Variants in PCSK5 observed in about 807,000 individuals in gnomAD.
PCSK5 encodes the protein proprotein convertase subtilisin/kexin type 5.
PCSK5 carries 129 observed loss-of-function variants against 233.2 expected under a neutral mutation model. The observed-to-expected ratio is 0.55, with a 90% CI of 0.48 to 0.64. PCSK5 has a LOEUF of 0.64. Among genes scored for constraint, PCSK5 ranks in the 30% least tolerant of loss-of-function variants. PCSK5 has a pLI of 0.00. For missense variants in PCSK5, 2,076 were observed against 2,430.1 expected (o/e 0.85, Z 3.06); for synonymous variants, 825 against 879.2 (o/e 0.94, Z 1.09).
intron 2 of PCSK5, among the ~76,000 whole-genome samples, chr9:75,934,874 C>A (rs1017843513): frequency 6.6e-6 from 1 of 151,768 alleles, no homozygotes; most frequent in Non-Finnish European, 1.5e-5. Flanking sequence ...TGTGAGCCAC[C>A]ATGGCTGGCC....
In PCSK5 at chr9:76,239,007, G is replaced by T. The variant is rs1332682006; in HGVS notation, c.2915G>T (p.Ser972Ile). The change falls in exon 23 of 38, where the codon AGC (serine) becomes ATC (isoleucine). Residue 972 changes from serine to isoleucine, a missense_variant. Transcript: ENST00000674117. ...CTGTACCAGGGAGAGTGTGGAGATAGCTGCCCAGAGGGCCACTATGCCACT... is the reference window on the plus strand; with the variant it reads ...CTGTACCAGGGAGAGTGTGGAGATATCTGCCCAGAGGGCCACTATGCCACT... ...HFLYQGECGD[S>I]CPEGHYATEG... 2 of 1,612,308 alleles carry T rather than the reference G, an allele frequency of 1.2e-6. No individual in the cohort carries two copies. The highest frequency in any genetic ancestry group is 1.7e-6 in the Non-Finnish European group (2 of 1,179,740).
At chr9:76,165,984 T>G (rs1238185832) in intron 12 of PCSK5, among the ~76,000 whole-genome samples, 1 of 152,376 alleles carries the variant, frequency 6.6e-6, no homozygotes, top group South Asian at 2.1e-4. Context: ...TATTACCTTT[T>G]GTTTTATGCA....
chr9:76,097,468 T>C (rs567085525), intron 8 of PCSK5, among the ~76,000 whole-genome samples: 91 of 152,254 alleles, frequency 6.0e-4, no homozygotes, highest in Non-Finnish European at 1.1e-3. Context: ...GCATTTCTTA[T>C]AGACAGCACA....
chr9:76,347,076 AT>A (rs34762060), intron 35 of PCSK5, among the ~76,000 whole-genome samples: 7 of 148,708 alleles, frequency 4.7e-5, no homozygotes, highest in Non-Finnish European at 8.9e-5. Context: ...TATTTTTTCT[AT>A]TTTTTTTTTC....
chr9:75,913,555 T>C (rs1822848666), intron 1 of PCSK5, among the ~76,000 whole-genome samples: 1 of 152,196 alleles, frequency 6.6e-6, no homozygotes, highest in Non-Finnish European at 1.5e-5. Context: ...ATCATTTGGC[T>C]CCAGGCTGCA....
At chr9:76,132,918 A>T (rs1396753953) in intron 9 of PCSK5, among the ~76,000 whole-genome samples, 1 of 152,064 alleles carries the variant, frequency 6.6e-6, no homozygotes, top group African/African-American at 2.4e-5. Context: ...GATTGGGAAA[A>T]AAATGTAGTA....
At chr9:76,183,637 A>C (rs1823971319) in intron 16 of PCSK5, among the ~76,000 whole-genome samples, 1 of 152,238 alleles carries the variant, frequency 6.6e-6, no homozygotes, top group Non-Finnish European at 1.5e-5. Context: ...TCAATGAGAC[A>C]GTGAGAGAGA....
chr9:76,243,026 C>G (rs902690787), intron 24 of PCSK5, among the ~76,000 whole-genome samples: 8 of 152,304 alleles, frequency 5.3e-5, no homozygotes, highest in African/African-American at 1.9e-4. Context: ...ACCATGGTCA[C>G]TAGGTGTTCG....
rs1195308342 is a variant in PCSK5, at chr9:76,360,159, G to A, written c.*1237G>A. The A allele has an allele frequency of 6.6e-6, 1 of 152,150 alleles. No individual in the cohort carries two copies. Among genetic ancestry groups the A allele is most frequent in the Non-Finnish European group, 1.5e-5 (1 of 68,038 alleles). The allele number at this position is 152,150 out of a possible 1,614,324, so 9.4% of individuals were successfully genotyped here. ...GACCTTACAGGCAGTACTAGAAATG[G>A]AGCACCAGAAAGCAAAAATGACATT... is the stretch of plus-strand genomic sequence containing the variant. On this transcript the variant is annotated 3_prime_UTR_variant, in exon 38 of 38. Coordinates refer to ENST00000674117, the MANE Select transcript of PCSK5 (RefSeq NM_001372043.1).
At chr9:76,003,331 T>C (rs1180360645) in intron 3 of PCSK5, among the ~76,000 whole-genome samples, 2 of 152,188 alleles carry the variant, frequency 1.3e-5, no homozygotes, top group Non-Finnish European at 2.9e-5. Context: ...TGTGATCATG[T>C]GTCTACACTC....
intron 5 of PCSK5, among the ~76,000 whole-genome samples, chr9:76,052,324 C>A (rs1829659967): frequency 6.6e-6 from 1 of 152,092 alleles, no homozygotes; most frequent in Non-Finnish European, 1.5e-5. Context: ...AAGACACACC[C>A]AAGACTGGGT....
At chr9:76,069,578 G>A (rs926948952) in intron 6 of PCSK5, among the ~76,000 whole-genome samples, 1 of 151,970 alleles carries the variant, frequency 6.6e-6, no homozygotes. Context: ...TGAGGAAAAA[G>A]CAGCCTTTTA....
At chr9:75,923,502 G>C (rs1387485505) in intron 1 of PCSK5, among the ~76,000 whole-genome samples, 13 of 152,030 alleles carry the variant, frequency 8.6e-5, no homozygotes, top group Admixed American at 8.5e-4. Flanking sequence ...AGCTATATTG[G>C]TATAACTATT....
At chr9:76,251,658 G>A (rs996668320) in intron 24 of PCSK5, among the ~76,000 whole-genome samples, 10 of 151,694 alleles carry the variant, frequency 6.6e-5, no homozygotes, top group African/African-American at 2.4e-4. Context: ...GTATAATACA[G>A]TAACTGAATT....
At chr9:76,327,937 C>CA (rs764661787) in intron 32 of PCSK5, 72 bp from the exon 33 acceptor site, 1 of 911,846 alleles carries the variant, frequency 1.1e-6, no homozygotes, top group South Asian at 1.3e-5. Flanking sequence ...GACCCTTTCC[C>CA]AGGGGAAGCC....
At chr9:76,276,011 C>T (rs911585081) in intron 24 of PCSK5, among the ~76,000 whole-genome samples, 5 of 152,192 alleles carry the variant, frequency 3.3e-5, no homozygotes, top group Admixed American at 1.3e-4. Flanking sequence ...TCTAAGTCGA[C>T]TTCACTGCTG....
intron 13 of PCSK5, among the ~76,000 whole-genome samples, chr9:76,174,178 G>T (rs1806549826): frequency 6.6e-6 from 1 of 151,896 alleles, no homozygotes; most frequent in Non-Finnish European, 1.5e-5. Context: ...CTATCACATT[G>T]GACAGCACAG....
chr9:76,190,255 A>G (rs1410969720), intron 20 of PCSK5, among the ~76,000 whole-genome samples: 1 of 151,922 alleles, frequency 6.6e-6, no homozygotes, highest in East Asian at 1.9e-4. Flanking sequence ...ATGCAACATT[A>G]TAGCGCCATG....
At chr9:75,923,410 C>G (rs1298681115) in intron 1 of PCSK5, among the ~76,000 whole-genome samples, 1 of 151,980 alleles carries the variant, frequency 6.6e-6, no homozygotes, top group African/African-American at 2.4e-5. Flanking sequence ...CAGATTCCTT[C>G]ATTTTGGGCT....
Sources: gnomAD v4.1 joint callset for allele counts (sites outside exome capture counted in the v4.1 genomes callset) on GRCh38, gnomAD v4.1.1 for gene constraint, MANE v1.5 for transcripts, NCBI Gene and HGNC (gene_info 2026-07-23, HGNC 2026-07-21) for gene names.